FGF13: variants seen among roughly 807,000 people sequenced by gnomAD.
The protein encoded by FGF13 is fibroblast growth factor 13.
FGF13 carries 2 observed loss-of-function variants against 19.5 expected under a neutral mutation model. The ratio of observed to expected loss-of-function variants is 0.10; its 90% CI spans 0.04 to 0.32. FGF13 has a LOEUF of 0.32. Among genes scored for constraint, FGF13 ranks in the 10% least tolerant of loss-of-function variants. FGF13 has a pLI of 1.00. For synonymous variants in FGF13, 72 were observed against 76.9 expected (o/e 0.94, Z 0.33); for missense variants, 113 against 192.7 (o/e 0.59, Z 2.45).
At position 139,175,841 on chromosome X, in the gene FGF13, G is replaced by C. The variant is rs766667566; in HGVS notation, c.-113+27575C>G. ...GGATTTTTGCATCTATGTTCATCAT[G>C]GATATTGGCCTGAAATTTTTTTGTT... On this transcript the variant is annotated intron_variant, in intron 1 of 2. Coordinates refer to the FGF13 transcript ENST00000421460. 1.5e-3 allele frequency among the ~76,000 whole-genome samples: 170 copies of C among 112,060 alleles called. 4 individuals are homozygous for C. The Middle Eastern group carries it at 0.037, about 24-fold the overall frequency.
chrX:138,982,747 C>T (rs1036077149), intron 1 of FGF13, among the ~76,000 whole-genome samples: 1 of 112,134 alleles, frequency 8.9e-6, no homozygotes, highest in African/African-American at 3.2e-5. Flanking sequence ...GGCCAAGGTT[C>T]TCATCCAGGC....
chrX:138,662,074 A>C (rs936824601), intron 3 of FGF13, among the ~76,000 whole-genome samples: 2 of 111,789 alleles, frequency 1.8e-5, no homozygotes, highest in Admixed American at 9.5e-5. Flanking sequence ...GAAATGAGAA[A>C]ATTTGCATTC....
At chrX:138,694,276 CAT>C (rs2089868336) in intron 3 of FGF13, among the ~76,000 whole-genome samples, 1 of 111,353 alleles carries the variant, frequency 9.0e-6, no homozygotes, top group East Asian at 2.8e-4. Context: ...GAAATTAAAA[CAT>C]ATATCAGAAT....
At chrX:138,637,229 ACTC>A (rs1441198664) in intron 3 of FGF13, among the ~76,000 whole-genome samples, 2 of 111,829 alleles carry the variant, frequency 1.8e-5, no homozygotes, top group African/African-American at 6.5e-5. Context: ...GGCTGTGAAA[ACTC>A]CTCTTTGTAG....
At chrX:138,731,326 A>G (rs757325755) in intron 1 of FGF13, among the ~76,000 whole-genome samples, 1 of 110,521 alleles carries the variant, frequency 9.0e-6, no homozygotes, top group South Asian at 3.8e-4. Flanking sequence ...AAATACATTC[A>G]TAAGAAATCA....
At chrX:138,889,371 C>A (rs905737583) in intron 1 of FGF13, among the ~76,000 whole-genome samples, 1 of 112,219 alleles carries the variant, frequency 8.9e-6, no homozygotes, top group Non-Finnish European at 1.9e-5. Context: ...GGTCCCCACC[C>A]TTAGATGGGA....
intron 3 of FGF13, among the ~76,000 whole-genome samples, chrX:138,823,642 G>GT (rs1358866998): frequency 2.7e-5 from 3 of 111,570 alleles, no homozygotes; most frequent in Non-Finnish European, 5.6e-5. Flanking sequence ...ATCTATTTCA[G>GT]TTCAATTCCC....
At chrX:138,797,296 C>T (rs771182944) in intron 3 of FGF13, among the ~76,000 whole-genome samples, 1 of 111,492 alleles carries the variant, frequency 9.0e-6, no homozygotes, top group East Asian at 2.8e-4. Context: ...TTCCCAACGC[C>T]ATTTATTAAA....
At chrX:138,974,102 G>T (rs2091930361) in intron 1 of FGF13, among the ~76,000 whole-genome samples, 1 of 111,597 alleles carries the variant, frequency 9.0e-6, no homozygotes, top group African/African-American at 3.3e-5. Flanking sequence ...CATGCCCTTG[G>T]ACTTCCCAGC....
intron 1 of FGF13, among the ~76,000 whole-genome samples, chrX:138,983,087 C>G (rs1224693075): frequency 9.0e-6 from 1 of 110,651 alleles, no homozygotes; most frequent in Non-Finnish European, 1.9e-5. Flanking sequence ...CTATTATTTC[C>G]TTTGCTGTAC....
At chrX:138,942,082 G>A (rs180689950) in intron 1 of FGF13, among the ~76,000 whole-genome samples, 2 of 111,763 alleles carry the variant, frequency 1.8e-5, no homozygotes, top group African/African-American at 6.5e-5. Context: ...ATCTTTTATT[G>A]AGCCACTATG....
At chrX:138,992,560 A>G (rs2034987735) in intron 1 of FGF13, among the ~76,000 whole-genome samples, 1 of 110,970 alleles carries the variant, frequency 9.0e-6, no homozygotes, top group Non-Finnish European at 1.9e-5. Context: ...AATGATGATA[A>G]TAATAGAGCC....
At chrX:139,162,353 A>C in intron 1 of FGF13, among the ~76,000 whole-genome samples, 1 of 112,423 alleles carries the variant, frequency 8.9e-6, no homozygotes, top group Non-Finnish European at 1.9e-5. Flanking sequence ...ATATGCAGAA[A>C]ACTGAAACTG....
chrX:138,769,665 A>G (rs1434708638), intron 3 of FGF13, among the ~76,000 whole-genome samples: 1 of 112,224 alleles, frequency 8.9e-6, no homozygotes, highest in East Asian at 2.8e-4. Context: ...CCCACAGGGA[A>G]AGTGAATATT....
intron 1 of FGF13, among the ~76,000 whole-genome samples, chrX:138,729,691 C>A (rs1452029845): frequency 1.9e-5 from 2 of 104,047 alleles, no homozygotes; most frequent in Non-Finnish European, 3.9e-5. Flanking sequence ...CCTAATAAAA[C>A]AAACAAACAA....
chrX:138,708,262 T>C (rs2090010807), intron 2 of FGF13, among the ~76,000 whole-genome samples: 1 of 112,466 alleles, frequency 8.9e-6, no homozygotes, highest in Non-Finnish European at 1.9e-5. Flanking sequence ...CTCACCATTA[T>C]AGTCTCCAAT....
chrX:139,156,873 T>C (rs1443512306), intron 1 of FGF13, among the ~76,000 whole-genome samples: 1 of 111,877 alleles, frequency 8.9e-6, no homozygotes, highest in Non-Finnish European at 1.9e-5. Flanking sequence ...CATTGCTTTA[T>C]GTCAAATTGA....
At chrX:138,709,948 A>AT (rs1403608126) in intron 1 of FGF13, among the ~76,000 whole-genome samples, 3 of 110,992 alleles carry the variant, frequency 2.7e-5, no homozygotes, top group Non-Finnish European at 3.8e-5. Context: ...GGTGACTCTT[A>AT]TTTTTTTTGT....
chrX:138,783,925 A>T (rs1250886859), intron 3 of FGF13, among the ~76,000 whole-genome samples: 2 of 107,009 alleles, frequency 1.9e-5, no homozygotes, highest in Non-Finnish European at 3.9e-5. Context: ...CAAATGTCCA[A>T]CAATGATAGA....
Sources: gnomAD v4.1 joint callset for allele counts (sites outside exome capture counted in the v4.1 genomes callset) on GRCh38, gnomAD v4.1.1 for gene constraint, MANE v1.5 for transcripts, NCBI Gene and HGNC (gene_info 2026-07-23, HGNC 2026-07-21) for gene names.